VAV1: variants seen among roughly 807,000 people sequenced by gnomAD.
VAV1 encodes the protein proto-oncogene vav.
In VAV1, 33 loss-of-function variants were observed where a neutral mutation model predicts 128.1. That is an observed-to-expected ratio of 0.26 (90% CI 0.20 to 0.34). The LOEUF is 0.34. Among genes scored for constraint, VAV1 ranks in the 10% least tolerant of loss-of-function variants. The pLI, the probability that VAV1 is intolerant of heterozygous loss-of-function variation, is 1.00. For synonymous variants in VAV1, 394 were observed against 409.8 expected (o/e 0.96, Z 0.47); for missense variants, 715 against 1,093.7 (o/e 0.65, Z 4.88).
At chr19:6,784,607 C>T (rs1455283943) in intron 1 of VAV1, among the ~76,000 whole-genome samples, 1 of 151,952 alleles carries the variant, frequency 6.6e-6, no homozygotes, top group Non-Finnish European at 1.5e-5. Context: ...GATTCTCCTG[C>T]CTCAGCCTCC....
At chr19:6,847,249 C>T (rs1972546444) in intron 22 of VAV1, among the ~76,000 whole-genome samples, 1 of 152,166 alleles carries the variant, frequency 6.6e-6, no homozygotes, top group African/African-American at 2.4e-5. Flanking sequence ...GCGCCGCCAT[C>T]ACTGCCGTTT....
intron 1 of VAV1, among the ~76,000 whole-genome samples, chr19:6,819,361 A>C (rs1421969510): frequency 6.6e-6 from 1 of 152,234 alleles, no homozygotes; most frequent in African/African-American, 2.4e-5. Context: ...ATATCACAGA[A>C]TGGGACCTGT....
Position 6,833,218 on chromosome 19 carries a change from G to A in VAV1, c.1543G>A (p.Gly515Arg), listed in dbSNP as rs760796877. The A allele has an allele frequency of 3.7e-6, 6 of 1,612,836 alleles. No homozygotes were observed. In the African/African-American group the frequency reaches 5.4e-5, roughly 14 times the overall value. The change falls in exon 16 of 27, where the codon GGG becomes AGG. Residue 515 changes from glycine (G) to arginine (R), a missense_variant. By Grantham distance (125) the Gly-to-Arg change is moderately radical. Around this residue, in one of 3 missense-constraint regions of VAV1, gnomAD observed 407 missense variants for 580.6 expected, o/e 0.70. Transcript: ENST00000602142. Reference protein sequence around the residue: ...NIYPENATANGHDFQMFSFEE... With the variant: ...NIYPENATANRHDFQMFSFEE... Reference sequence around the variant, plus strand: ...CTATCCGGAGAATGCCACCGCCAACGGGCATGACTTCCAGATGTTCTCCTT... The same window carrying A: ...CTATCCGGAGAATGCCACCGCCAACAGGCATGACTTCCAGATGTTCTCCTT...
At chr19:6,823,810 T>C (rs953423425) in intron 6 of VAV1, among the ~76,000 whole-genome samples, 6 of 152,220 alleles carry the variant, frequency 3.9e-5, no homozygotes, top group Non-Finnish European at 7.3e-5. Context: ...TTAATATACA[T>C]GTAATCCACC....
Position 6,821,678 on chromosome 19 carries a change from C to T in VAV1, c.378C>T (p.Ile126=), listed in dbSNP as rs1034364646. The T allele has an allele frequency of 6.2e-7, 1 of 1,614,184 alleles. No individual in the cohort carries two copies. The highest frequency in any genetic ancestry group is 1.7e-5 in the Admixed American group (1 of 60,022). ...CCCCGATCGCCCAGAACAGGGGGAT[C>T]ATGTGAGTAACCACCTGGGCCTTGG... ...SWTPIAQNRG[I]MPFPTEEESV... is the part of the protein sequence containing the mutation. Residue 126 remains isoleucine (I), a splice_region_variant and synonymous_variant, in exon 3 of 27, where the codon ATC becomes ATT. Coordinates refer to ENST00000602142, the MANE Select transcript of VAV1 (RefSeq NM_005428.4).
intron 1 of VAV1, among the ~76,000 whole-genome samples, chr19:6,779,165 C>T (rs1970710906): frequency 6.6e-6 from 1 of 150,852 alleles, no homozygotes; most frequent in Non-Finnish European, 1.5e-5. Context: ...AGTCCTCCTG[C>T]CTCAGCCTCC....
intron 1 of VAV1, among the ~76,000 whole-genome samples, chr19:6,775,699 G>A (rs1223299486): frequency 6.6e-6 from 1 of 152,108 alleles, no homozygotes; most frequent in African/African-American, 2.4e-5. Context: ...TAGTGGGGAC[G>A]TGTGAGGGAA....
Position 6,829,999 on chromosome 19 carries a change from G to C in VAV1, c.1398+81G>C, listed in dbSNP as rs1972017054. 7 of 1,595,376 alleles carry C rather than the reference G, an allele frequency of 4.4e-6. No individual in the cohort carries two copies. The East Asian group carries it at 1.6e-4, about 36-fold the overall frequency. The stretch of plus-strand genomic sequence containing the variant: ...TCTCCACTTGGGCATGTGCCTGTTT[G>C]CCAGACTACATCTACATGGAAGTGT... On this transcript the variant is annotated intron_variant, in intron 14 of 26. Coordinates refer to ENST00000602142, the MANE Select transcript of VAV1 (RefSeq NM_005428.4).
At position 6,828,893 on chromosome 19, in the gene VAV1, A is replaced by G. The variant is rs1330825202; in HGVS notation, c.1258A>G (p.Met420Val). The change falls in exon 13 of 27, where the codon ATG becomes GTG. Residue 420 changes from methionine (M) to valine (V), a missense_variant. Physicochemically the swap from Met to Val is conservative, Grantham distance 21 (BLOSUM62 1). This residue lies in a region of VAV1 where 407 missense variants were observed against 580.6 expected (regional missense o/e 0.70). Coordinates refer to ENST00000602142, the MANE Select transcript of VAV1 (RefSeq NM_005428.4). This position sits in a 1 kb window ranked among gnomAD's most constrained non-coding sequence, Gnocchi z 4.5. ...KITSVERRSK[M>V]DRYAFLLDKA... ...CACCTCGGTGGAACGGCGCTCCAAG[A>G]TGGACAGGTGGGTGGAGTCAACATG... 3 of 1,613,850 alleles carry G rather than the reference A, an allele frequency of 1.9e-6. No individual in the cohort carries two copies. The African/African-American group carries it at 4.0e-5, about 22-fold the overall frequency.
intron 1 of VAV1, among the ~76,000 whole-genome samples, chr19:6,804,367 C>G (rs1339608777): frequency 6.6e-6 from 1 of 151,966 alleles, no homozygotes; most frequent in East Asian, 1.9e-4. Flanking sequence ...AGGGCTACCC[C>G]ACAGGCTGAG....
At chr19:6,842,005 C>T (rs1185770875) in intron 21 of VAV1, among the ~76,000 whole-genome samples, 3 of 151,810 alleles carry the variant, frequency 2.0e-5, no homozygotes, top group South Asian at 2.1e-4. Context: ...GCGGGTGGAT[C>T]ACCTGAGCTC....
intron 1 of VAV1, among the ~76,000 whole-genome samples, chr19:6,815,769 A>G (rs1183619621): frequency 5.3e-5 from 8 of 152,120 alleles, no homozygotes; most frequent in Non-Finnish European, 1.2e-4. Flanking sequence ...AATATGACTT[A>G]CCTTGAAGAG....
At chr19:6,812,881 G>A (rs1971543192) in intron 1 of VAV1, among the ~76,000 whole-genome samples, 1 of 152,042 alleles carries the variant, frequency 6.6e-6, no homozygotes, top group African/African-American at 2.4e-5. Flanking sequence ...GAATGGTGAT[G>A]GTGGTGATGA....
Position 6,826,797 on chromosome 19 carries a change from T to C in VAV1, c.927+86T>C. 1 of 1,089,852 alleles carries C rather than the reference T, an allele frequency of 9.2e-7. No homozygotes were observed. Among genetic ancestry groups the C allele is most frequent in the Non-Finnish European group, 1.3e-6 (1 of 743,398 alleles). 67.5% of individuals were successfully genotyped at this position (1,089,852 alleles called of 1,614,324 possible). ...AGGGAGGACACTGAGTTGCAGATGGTCCACTTTCTGCTGCAGCCCAGCCAG... is the reference window on the plus strand; with the variant it reads ...AGGGAGGACACTGAGTTGCAGATGGCCCACTTTCTGCTGCAGCCCAGCCAG... On this transcript the variant is annotated intron_variant, in intron 9 of 26. Transcript: ENST00000602142. This position sits in a 1 kb window ranked among gnomAD's most constrained non-coding sequence, Gnocchi z 4.1.
chr19:6,833,631 A>T lies in VAV1; in HGVS notation c.1708+6A>T, dbSNP rs1972146287. 2 of 1,613,920 alleles carry T rather than the reference A, an allele frequency of 1.2e-6. No individual in the cohort carries two copies. The highest frequency in any genetic ancestry group is 1.7e-5 in the Admixed American group (1 of 59,976). Reference sequence around the variant, plus strand: ...ATGTGGCCGACATGGGCAAGGTACGAGTGGGAGGGAGGCTGGGAGGTGAGC... The same window carrying T: ...ATGTGGCCGACATGGGCAAGGTACGTGTGGGAGGGAGGCTGGGAGGTGAGC... On this transcript the variant is annotated splice_donor_region_variant and intron_variant, in intron 17 of 26. Coordinates refer to ENST00000602142, the MANE Select transcript of VAV1 (RefSeq NM_005428.4).
intron 9 of VAV1, among the ~76,000 whole-genome samples, chr19:6,827,506 C>A (rs1200778641): frequency 6.6e-6 from 1 of 152,086 alleles, no homozygotes. Context: ...AACTCCTGGG[C>A]TCAAGCGACT....
chr19:6,812,137 T>C (rs996962660), intron 1 of VAV1, among the ~76,000 whole-genome samples: 6 of 152,212 alleles, frequency 3.9e-5, no homozygotes, highest in African/African-American at 1.4e-4. Context: ...GGGCAGCCAT[T>C]TTCCAGCAGC....
chr19:6,842,144 C>A (rs1282510344), intron 21 of VAV1, among the ~76,000 whole-genome samples: 1 of 152,010 alleles, frequency 6.6e-6, no homozygotes, highest in Admixed American at 6.6e-5. Context: ...GCAGGAGAAT[C>A]GCTGGAACCT....
In VAV1 at chr19:6,836,267, G is replaced by A. The variant is rs1243278047; in HGVS notation, c.1778-165G>A. 8 of 856,702 alleles carry A rather than the reference G, an allele frequency of 9.3e-6. No homozygotes were observed. The South Asian group carries it at 1.3e-4, about 14-fold the overall frequency. The allele number at this position is 856,702 out of a possible 1,614,324, so 53.1% of individuals were successfully genotyped here. A position where few individuals can be genotyped will look rare whatever the true frequency, so the allele number is the denominator to read the frequency against. ...ATATTGCCAAATAGTTTTACAAAGA[G>A]TATCCCCACCAGCAATGAGTGAAAA... is the stretch of plus-strand genomic sequence containing the variant. On this transcript the variant is annotated intron_variant, in intron 19 of 26. Coordinates refer to ENST00000602142, the MANE Select transcript of VAV1 (RefSeq NM_005428.4).
Sources: allele counts gnomAD v4.1 joint callset (sites outside exome capture counted in the v4.1 genomes callset), GRCh38; gene constraint gnomAD v4.1.1; regional missense constraint gnomAD v4.1.1; non-coding constraint Gnocchi (gnomAD v3.1); transcripts MANE v1.5; gene names NCBI Gene and HGNC (gene_info 2026-07-23, HGNC 2026-07-21).